The following CLSTN2 variants were observed in gnomAD, a reference collection of about 807,000 sequenced individuals.
CLSTN2 encodes the protein calsyntenin-2.
In CLSTN2, 48 loss-of-function variants were observed where a neutral mutation model predicts 101.2. The ratio of observed to expected loss-of-function variants is 0.47; its 90% CI spans 0.38 to 0.60. The LOEUF (loss-of-function observed/expected upper bound fraction) is 0.60. Ranked by LOEUF, CLSTN2 falls within the 20% of genes least tolerant of loss-of-function variation. The pLI, the probability that CLSTN2 is intolerant of heterozygous loss-of-function variation, is 0.00. For synonymous variants in CLSTN2, 481 were observed against 463.6 expected (o/e 1.04, Z -0.48); for missense variants, 1,160 against 1,238.2 (o/e 0.94, Z 0.95).
intron 1 of CLSTN2, among the ~76,000 whole-genome samples, chr3:140,096,925 G>A (rs1353436264): frequency 4.6e-5 from 7 of 152,148 alleles, no homozygotes; most frequent in East Asian, 1.9e-4. Flanking sequence ...GGTGTAGCCC[G>A]CTGGGTTCTA....
intron 2 of CLSTN2, among the ~76,000 whole-genome samples, chr3:140,207,005 G>A (rs1576467178): frequency 6.6e-6 from 1 of 152,074 alleles, no homozygotes; most frequent in South Asian, 2.1e-4. Flanking sequence ...TCTTTTTCCT[G>A]TAGTCCTCCT....
intron 2 of CLSTN2, among the ~76,000 whole-genome samples, chr3:140,330,901 G>A (rs1041854646): frequency 1.3e-5 from 2 of 152,140 alleles, no homozygotes; most frequent in Non-Finnish European, 2.9e-5. Flanking sequence ...CTGCTCACCA[G>A]GTGTATTAAT....
chr3:140,233,382 C>A (rs2086388233), intron 2 of CLSTN2, among the ~76,000 whole-genome samples: 1 of 152,130 alleles, frequency 6.6e-6, no homozygotes, highest in Non-Finnish European at 1.5e-5. Context: ...CTCCTCCAAG[C>A]TCATGCAGCA....
At chr3:140,026,261 TG>T (rs1560073242) in intron 1 of CLSTN2, among the ~76,000 whole-genome samples, 1 of 152,258 alleles carries the variant, frequency 6.6e-6, no homozygotes, top group Admixed American at 6.5e-5. Context: ...AGGATTTTGT[TG>T]GGGGGAAAGT....
At chr3:140,464,338 G>A (rs528751000) in intron 7 of CLSTN2, among the ~76,000 whole-genome samples, 34 of 152,322 alleles carry the variant, frequency 2.2e-4, no homozygotes, top group Admixed American at 1.5e-3. Context: ...AGAGACTGAT[G>A]TTTGATTTGG....
rs747123030 is a variant in CLSTN2 at position 140,558,834 on chromosome 3, C to T, written c.2018C>T (p.Ala673Val). ...KIVSTFAKTE[A>V]PGDVKTTDPK... ...GTGAGCACCTTCGCCAAAACCGAAG[C>T]CCCCGGGGACGTGAAAACCACAGGT... Residue 673 changes from alanine (A) to valine (V), a missense_variant, in exon 12 of 17, where the codon GCC (alanine) becomes GTC (valine). Ala to Val is a moderately conservative substitution (Grantham distance 64). Coordinates refer to ENST00000458420, the MANE Select transcript of CLSTN2 (RefSeq NM_022131.3). 3 of 1,613,756 alleles carry T rather than the reference C, an allele frequency of 1.9e-6. No individual in the cohort carries two copies. The highest frequency in any genetic ancestry group is 1.1e-5 in the South Asian group (1 of 91,042).
At chr3:140,340,125 C>G in intron 2 of CLSTN2, among the ~76,000 whole-genome samples, 1 of 59,068 alleles carries the variant, frequency 1.7e-5, no homozygotes, top group East Asian at 2.1e-4. Flanking sequence ...CCCTCCCCTT[C>G]TCCTATAGGC....
intron 7 of CLSTN2, 114 bp downstream of exon 7, chr3:140,459,883 G>A (rs1933518113): frequency 8.3e-7 from 1 of 1,212,050 alleles, no homozygotes; most frequent in Admixed American, 2.0e-5. Flanking sequence ...GCAGGAGCCT[G>A]AGAGGAACCC....
chr3:140,295,256 ATTTTC>A (rs1402909440), intron 2 of CLSTN2, among the ~76,000 whole-genome samples: 4 of 151,732 alleles, frequency 2.6e-5, no homozygotes, highest in Non-Finnish European at 5.9e-5. Context: ...TAAATTACGT[ATTTTC>A]TTTGCGCATT....
chr3:140,247,065 C>T (rs2086524634), intron 2 of CLSTN2, among the ~76,000 whole-genome samples: 1 of 152,102 alleles, frequency 6.6e-6, no homozygotes, highest in Non-Finnish European at 1.5e-5. Context: ...ATGAAGTCTC[C>T]TCTTCTAATT....
chr3:140,285,667 G>A (rs569182139), intron 2 of CLSTN2, among the ~76,000 whole-genome samples: 130 of 152,332 alleles, frequency 8.5e-4, no homozygotes, highest in African/African-American at 3.1e-3. Flanking sequence ...GTCTGTGGTG[G>A]AGCCTGAATA....
chr3:140,269,064 G>T (rs2086719473), intron 2 of CLSTN2, among the ~76,000 whole-genome samples: 1 of 152,092 alleles, frequency 6.6e-6, no homozygotes, highest in African/African-American at 2.4e-5. Context: ...TTGTCTTCTT[G>T]CTTCTCTCAC....
At chr3:140,258,634 T>C (rs1418529020) in intron 2 of CLSTN2, among the ~76,000 whole-genome samples, 1 of 152,204 alleles carries the variant, frequency 6.6e-6, no homozygotes, top group Admixed American at 6.5e-5. Flanking sequence ...GCAGTTAAAT[T>C]CTATAACTTC....
intron 2 of CLSTN2, among the ~76,000 whole-genome samples, chr3:140,189,156 CT>C (rs1302450005): frequency 6.6e-6 from 1 of 152,152 alleles, no homozygotes; most frequent in African/African-American, 2.4e-5. Flanking sequence ...ATACCACACT[CT>C]TTTTAACCAT....
rs143848411 is a variant in CLSTN2 at position 140,563,315 on chromosome 3, G to C, written c.2482+112G>C. ...CAAACGTAGGTGCCCAGAACTGAGG[G>C]AGGGAACCCAGCAATGGAGAAAATG... On this transcript the variant is annotated intron_variant, in intron 15 of 16. Coordinates refer to ENST00000458420, the MANE Select transcript of CLSTN2 (RefSeq NM_022131.3). The C allele has an allele frequency of 9.0e-5, 112 of 1,250,656 alleles. No individual in the cohort carries two copies. The African/African-American group carries it at 1.4e-3, about 16-fold the overall frequency. The allele number at this position is 1,250,656 out of a possible 1,614,324, so 77.5% of individuals were successfully genotyped here. A position where few individuals can be genotyped will look rare whatever the true frequency, so the allele number is the denominator to read the frequency against.
At chr3:140,438,453 A>AAAAAAAAAAAAAAAAAAT (rs2088710469) in intron 5 of CLSTN2, among the ~76,000 whole-genome samples, 1 of 149,432 alleles carries the variant, frequency 6.7e-6, no homozygotes, top group African/African-American at 2.5e-5. Context: ...AAAAAAAAAA[A>AAAAAAAAAAAAAAAAAAT]GCTTTGAAGC....
intron 2 of CLSTN2, among the ~76,000 whole-genome samples, chr3:140,220,311 G>A (rs776570673): frequency 1.6e-4 from 24 of 152,198 alleles, no homozygotes; most frequent in Non-Finnish European, 2.6e-4. Context: ...TCAGTATTGT[G>A]ATGTATTTGG....
chr3:140,171,787 A>ATGTAT (rs1239085786), intron 1 of CLSTN2, among the ~76,000 whole-genome samples: 24 of 72,174 alleles, frequency 3.3e-4, no homozygotes, highest in African/African-American at 1.8e-3. Context: ...ATTATATAAT[A>ATGTAT]TATAATATAT....
At chr3:140,079,871 A>C (rs1359532845) in intron 1 of CLSTN2, among the ~76,000 whole-genome samples, 1 of 152,262 alleles carries the variant, frequency 6.6e-6, no homozygotes, top group Non-Finnish European at 1.5e-5. Context: ...TAAAATCTAG[A>C]AACAATTTTG....
Sources: gnomAD v4.1 joint callset for allele counts (sites outside exome capture counted in the v4.1 genomes callset) on GRCh38, gnomAD v4.1.1 for gene constraint, MANE v1.5 for transcripts, NCBI Gene and HGNC (gene_info 2026-07-23, HGNC 2026-07-21) for gene names.